IQSEC3: variants seen among roughly 807,000 people sequenced by gnomAD.
IQSEC3 encodes IQ motif and Sec7 domain ArfGEF 3.
IQSEC3 carries 50 observed loss-of-function variants against 105.4 expected under a neutral mutation model. The ratio of observed to expected loss-of-function variants is 0.47; its 90% confidence interval spans 0.38 to 0.60. The LOEUF (loss-of-function observed/expected upper bound fraction) is 0.60, where lower values mean the gene tolerates loss of function less well. IQSEC3 is among the 20% of genes least tolerant of loss of function. IQSEC3 has a pLI of 0.00. For synonymous variants in IQSEC3, 708 were observed against 746.0 expected (o/e 0.95, Z 0.83); for missense variants, 1,415 against 1,630.0 (o/e 0.87, Z 2.27).
Position 139,226 on chromosome 12 carries a change from C to T in IQSEC3, c.1863C>T (p.Ala621=), listed in dbSNP as rs782021919. 1.1e-5 allele frequency: 17 copies of T among 1,605,500 alleles called. No homozygotes were observed. In the East Asian group the frequency reaches 1.8e-4, roughly 17 times the overall value. The part of the protein sequence containing the change: ...SEASASASKD[A]LQAMILSLPR... ...CGTCGGCCTCCGCCTCCAAGGACGCCCTGCAGGCCATGATCCTGAGCCTGC... is the reference window on the plus strand; with the variant it reads ...CGTCGGCCTCCGCCTCCAAGGACGCTCTGCAGGCCATGATCCTGAGCCTGC... The change falls in exon 4 of 14, where the codon GCC becomes GCT. Residue 621 remains alanine (A), a synonymous_variant. Coordinates refer to ENST00000538872, the MANE Select transcript of IQSEC3 (RefSeq NM_001170738.2).
chr12:132,742 G>A (rs1865641733), intron 3 of IQSEC3, among the ~76,000 whole-genome samples: 1 of 152,140 alleles, frequency 6.6e-6, no homozygotes, highest in African/African-American at 2.4e-5. Context: ...GGGTGAGGTA[G>A]GGAAAACAGT....
chr12:135,997 G>A (rs1156777764), intron 3 of IQSEC3, among the ~76,000 whole-genome samples: 1 of 152,186 alleles, frequency 6.6e-6, no homozygotes, highest in African/African-American at 2.4e-5. Context: ...CTGGATTTGT[G>A]GTCATGTGTT....
chr12:99,185 CGA>C lies in IQSEC3; in HGVS notation c.595_596del (p.Asp199ArgfsTer10). 3.1e-6 allele frequency: 5 copies of C among 1,598,958 alleles called. No homozygotes were observed. The highest frequency in any genetic ancestry group is 4.2e-6 in the Non-Finnish European group (5 of 1,179,736). Reference protein sequence around the residue: ...VLHQFCCPAADACSDLASQSD... With the variant: ...VLHQFCCPAAXACSDLASQSD... ...TGCACCAGTTCTGCTGCCCAGCCGC[CGA>C]CGCCTGCTCCGACCTGGCCTCCCAA... On this transcript the variant is annotated frameshift_variant, in exon 2 of 14. Transcript: ENST00000538872. LOFTEE classifies it high-confidence loss of function.
At chr12:166,770 G>GT (rs2137060614) in intron 11 of IQSEC3, 2 of 152,348 alleles carry the variant, frequency 1.3e-5, no homozygotes, top group South Asian at 4.1e-4. Context: ...GGGGATGAAT[G>GT]TGACAGGCTG....
chr12:72,574 C>CGG (rs1863361363), intron 1 of IQSEC3, among the ~76,000 whole-genome samples: 2 of 129,718 alleles, frequency 1.5e-5, no homozygotes, highest in East Asian at 2.0e-4. Flanking sequence ...AGCAGACTCT[C>CGG]AGAGGTGAGG....
intron 1 of IQSEC3, among the ~76,000 whole-genome samples, chr12:87,800 A>G (rs543176995): frequency 5.6e-4 from 85 of 152,342 alleles, no homozygotes; most frequent in African/African-American, 1.9e-3. Context: ...CTTCCTTGAG[A>G]TCAAAGGTAT....
chr12:130,515 G>A (rs1865552537), intron 3 of IQSEC3, among the ~76,000 whole-genome samples: 1 of 152,182 alleles, frequency 6.6e-6, no homozygotes, highest in South Asian at 2.1e-4. Context: ...AGGCCCCATG[G>A]AAGTGGCACA....
intron 3 of IQSEC3, among the ~76,000 whole-genome samples, chr12:129,251 A>G (rs1161108428): frequency 1.3e-5 from 2 of 152,168 alleles, no homozygotes; most frequent in Admixed American, 1.3e-4. Context: ...AGCCCACGTG[A>G]AGAGCCAGCG....
At chr12:100,058 G>A (rs1385434905) in intron 2 of IQSEC3, among the ~76,000 whole-genome samples, 2 of 151,400 alleles carry the variant, frequency 1.3e-5, no homozygotes, top group Admixed American at 6.6e-5. Context: ...CTTGGATTCT[G>A]GCCTGAAATT....
rs141951366 is a variant in IQSEC3, at chr12:161,999, C to G, written c.2517C>G (p.Leu839=). Residue 839 remains leucine, a synonymous_variant, in exon 8 of 14, where the codon CTC becomes CTG. Transcript: ENST00000538872. ...ATGAGAGGATACAGCAGAAGGAGCT[C>G]AAGTCCAATGAGGACCACGTCACGT... The part of the protein sequence containing the change: ...GIYERIQQKE[L]KSNEDHVTYV... The G allele has an allele frequency of 6.2e-7, 1 of 1,613,804 alleles. No individual in the cohort carries two copies. The highest frequency in any genetic ancestry group is 8.5e-7 in the Non-Finnish European group (1 of 1,179,986).
intron 2 of IQSEC3, among the ~76,000 whole-genome samples, chr12:123,909 C>A (rs2136964659): frequency 6.6e-6 from 1 of 152,266 alleles, no homozygotes; most frequent in Non-Finnish European, 1.5e-5. Flanking sequence ...AGGTCCCTTC[C>A]AGTCCTGATT....
intron 5 of IQSEC3, 187 bp downstream of exon 5, chr12:141,472 CAG>C (rs1314246069): frequency 8.5e-6 from 5 of 591,310 alleles, no homozygotes; most frequent in African/African-American, 3.7e-5. Context: ...TGTCTCCCGT[CAG>C]AGTCATTGAT....
intron 2 of IQSEC3, among the ~76,000 whole-genome samples, chr12:125,051 C>T (rs868922571): frequency 6.6e-6 from 1 of 152,176 alleles, no homozygotes. Flanking sequence ...AGGCACCCTG[C>T]CTCCTCCAGA....
At chr12:106,818 G>T (rs1864670055) in intron 2 of IQSEC3, 1 of 152,136 alleles carries the variant, frequency 6.6e-6, no homozygotes, top group African/African-American at 2.4e-5. Context: ...TCTTCTGAAA[G>T]TTCTTTACCC....
At chr12:100,413 C>T (rs1864385707) in intron 2 of IQSEC3, among the ~76,000 whole-genome samples, 1 of 152,216 alleles carries the variant, frequency 6.6e-6, no homozygotes, top group African/African-American at 2.4e-5. Context: ...CCCCTTTATC[C>T]TCTGGAAAAT....
chr12:163,068 C>A (rs1256100239), intron 8 of IQSEC3, among the ~76,000 whole-genome samples: 1 of 151,962 alleles, frequency 6.6e-6, no homozygotes, highest in Non-Finnish European at 1.5e-5. Flanking sequence ...GGTGAACGTG[C>A]GAGGGAAAGA....
At position 174,826 on chromosome 12, in the gene IQSEC3, G is replaced by A. The variant is rs761583870; in HGVS notation, c.3342G>A (p.Leu1114=). The A allele has an allele frequency of 1.3e-6, 2 of 1,582,318 alleles. No individual in the cohort carries two copies. Among genetic ancestry groups the A allele is most frequent in the Non-Finnish European group, 1.7e-6 (2 of 1,172,768 alleles). Residue 1114 remains leucine (L), a synonymous_variant, in exon 14 of 14, where the codon CTG becomes CTA. Transcript: ENST00000538872. ...GCCTGGCCCGCATGGAGCCCCTGCT[G>A]AGCCAGGCTCTCTCCTGCTACACCT... is the stretch of plus-strand genomic sequence containing the variant. ...KPCLARMEPL[L]SQALSCYTSS...
intron 2 of IQSEC3, among the ~76,000 whole-genome samples, chr12:109,517 C>G (rs1463274816): frequency 6.6e-6 from 1 of 152,186 alleles, no homozygotes; most frequent in African/African-American, 2.4e-5. Flanking sequence ...TGAACCCTTT[C>G]TACACCCTCC....
At chr12:135,725 T>C (rs1451229099) in intron 3 of IQSEC3, among the ~76,000 whole-genome samples, 1 of 152,108 alleles carries the variant, frequency 6.6e-6, no homozygotes, top group East Asian at 1.9e-4. Flanking sequence ...GACCAAGCTA[T>C]CAGGTTATGA....
Sources: gnomAD v4.1 joint callset for allele counts (sites outside exome capture counted in the v4.1 genomes callset) on GRCh38, gnomAD v4.1.1 for gene constraint, MANE v1.5 for transcripts, NCBI Gene and HGNC (gene_info 2026-07-23, HGNC 2026-07-21) for gene names.